MBOAT2: variants seen among roughly 807,000 people sequenced by gnomAD.
MBOAT2 encodes the protein membrane bound glycerophospholipid O-acyltransferase 2, also known as membrane-bound glycerophospholipid O-acyltransferase 2.
Under a neutral mutation model 63.4 loss-of-function variants are expected in MBOAT2, and 28 were observed. The observed-to-expected ratio is 0.44, with a 90% CI of 0.33 to 0.61. The LOEUF (loss-of-function observed/expected upper bound fraction) is 0.61, where lower values mean the gene tolerates loss of function less well. MBOAT2 is among the 20% of genes least tolerant of loss of function. The pLI, the probability that MBOAT2 is intolerant of heterozygous loss-of-function variation, is 0.03. For missense variants in MBOAT2, 470 were observed against 605.8 expected (o/e 0.78, Z 2.35); for synonymous variants, 211 against 215.6 (o/e 0.98, Z 0.19).
chr2:8,858,993 C>T (rs1328830264), intron 12 of MBOAT2, 89 bp from the exon 13 acceptor site: 1 of 927,648 alleles, frequency 1.1e-6, no homozygotes. Context: ...CATGGCCCAC[C>T]TTAGGATGTA....
At chr2:8,896,939 G>C (rs1026810636) in intron 4 of MBOAT2, among the ~76,000 whole-genome samples, 1 of 152,224 alleles carries the variant, frequency 6.6e-6, no homozygotes, top group Non-Finnish European at 1.5e-5. Flanking sequence ...AAGGATTTTT[G>C]ATAGGAAGGC....
intron 9 of MBOAT2, among the ~76,000 whole-genome samples, chr2:8,865,968 C>T (rs148891233): frequency 2.2e-4 from 34 of 152,248 alleles, no homozygotes; most frequent in African/African-American, 7.9e-4. Context: ...ACCCGGGAGG[C>T]AGAGGTTGCA....
chr2:9,001,492 G>A (rs1375089205), intron 1 of MBOAT2, among the ~76,000 whole-genome samples: 2 of 152,054 alleles, frequency 1.3e-5, no homozygotes, highest in Non-Finnish European at 2.9e-5. Flanking sequence ...ATAATCTTAC[G>A]AGACCACCAG....
chr2:8,919,312 T>C (rs1050516574), intron 3 of MBOAT2, among the ~76,000 whole-genome samples: 3 of 152,244 alleles, frequency 2.0e-5, no homozygotes, highest in Non-Finnish European at 4.4e-5. Flanking sequence ...TTTTCCAAAG[T>C]GACTACAATT....
At chr2:8,870,785 T>A (rs1662257511) in intron 8 of MBOAT2, among the ~76,000 whole-genome samples, 1 of 152,210 alleles carries the variant, frequency 6.6e-6, no homozygotes, top group South Asian at 2.1e-4. Context: ...TTAAATATAG[T>A]TCAATTTCAA....
Position 9,003,537 on chromosome 2 carries a change from T to C in MBOAT2, c.75+3A>G. 8.3e-7 allele frequency: 1 copy of C among 1,206,088 alleles called. No homozygotes were observed. The allele number at this position is 1,206,088 out of a possible 1,614,324, so 74.7% of individuals were successfully genotyped here. On this transcript the variant is annotated splice_donor_region_variant and intron_variant, in intron 1 of 12. Coordinates refer to ENST00000305997, the MANE Select transcript of MBOAT2 (RefSeq NM_138799.4). The surrounding 1 kb of genome is among the most constrained non-coding windows in gnomAD (Gnocchi z 5.4). ...CGCCCGGCGCCAGGGCGCCTCGGGG[T>C]ACCTGGTCGATGGGCAGCTGCACGG...
intron 1 of MBOAT2, among the ~76,000 whole-genome samples, chr2:8,970,506 CA>C (rs1357616278): frequency 1.3e-5 from 2 of 151,938 alleles, no homozygotes; most frequent in Non-Finnish European, 2.9e-5. Flanking sequence ...CAGAAGGCAA[CA>C]AATAACTAAG....
intron 3 of MBOAT2, 113 bp downstream of exon 3, chr2:8,943,074 T>C: frequency 1.7e-6 from 1 of 603,738 alleles, no homozygotes; most frequent in East Asian, 3.2e-5. Context: ...AATTCTTCTT[T>C]AAAAAATTAT....
intron 1 of MBOAT2, among the ~76,000 whole-genome samples, chr2:8,979,492 T>C (rs1219826977): frequency 6.6e-6 from 1 of 152,100 alleles, no homozygotes; most frequent in African/African-American, 2.4e-5. Context: ...AGGACCGTGA[T>C]TCTTATCTGT....
At chr2:8,908,840 C>A in intron 3 of MBOAT2, 124 bp from the exon 4 acceptor site, 1 of 575,272 alleles carries the variant, frequency 1.7e-6, no homozygotes, top group African/African-American at 1.9e-5. Context: ...ATCTACTCTA[C>A]AAACACCCTT....
At position 8,858,830 on chromosome 2, in the gene MBOAT2, CTTCT is replaced by C. The variant is rs1185585236; in HGVS notation, c.1408_1411del (p.Arg470GlufsTer41). On this transcript the variant is annotated frameshift_variant, in exon 13 of 13. Coordinates refer to ENST00000305997, the MANE Select transcript of MBOAT2 (RefSeq NM_138799.4). LOFTEE classifies it low-confidence loss of function (END_TRUNC). ...CTGAATGTTTTCATGTGTATTCTTT[CTTCT>C]TTGAGTTTTTTTCACTGGCAACAAC... The C allele has an allele frequency of 1.2e-6, 2 of 1,613,808 alleles. No homozygotes were observed. The highest frequency in any genetic ancestry group is 1.7e-5 in the Admixed American group (1 of 59,990).
intron 1 of MBOAT2, among the ~76,000 whole-genome samples, chr2:9,001,417 G>C (rs1354176821): frequency 6.6e-6 from 1 of 152,164 alleles, no homozygotes; most frequent in Non-Finnish European, 1.5e-5. Flanking sequence ...CATGAGTAAT[G>C]CGTGGTGCTA....
At chr2:9,000,185 T>C (rs1036424875) in intron 1 of MBOAT2, among the ~76,000 whole-genome samples, 3 of 145,952 alleles carry the variant, frequency 2.1e-5, no homozygotes, top group Admixed American at 2.0e-4. Context: ...TTTCAAAACA[T>C]TGTTAATTAG....
chr2:8,942,670 C>T (rs1668138048), intron 3 of MBOAT2, among the ~76,000 whole-genome samples: 2 of 152,226 alleles, frequency 1.3e-5, no homozygotes, highest in African/African-American at 2.4e-5. Context: ...CCTCAGAAGA[C>T]AGTGCTTCCA....
At position 8,855,567 on chromosome 2, in the gene MBOAT2, C is replaced by G. The variant is rs1196723136; in HGVS notation, c.*3112G>C. On this transcript the variant is annotated 3_prime_UTR_variant, in exon 13 of 13. Transcript: ENST00000305997. ...TAGTGGCTAATAAGAGAAGTGGTCA[C>G]CAGACATTTTTGAAGCCAAATAAAT... 6.6e-6 allele frequency: 1 copy of G among 152,142 alleles called. No homozygotes were observed. Among genetic ancestry groups the G allele is most frequent in the Non-Finnish European group, 1.5e-5 (1 of 68,028 alleles). The allele number at this position is 152,142 out of a possible 1,614,324, so 9.4% of individuals were successfully genotyped here.
intron 1 of MBOAT2, among the ~76,000 whole-genome samples, chr2:8,969,641 C>T (rs934645431): frequency 6.6e-6 from 1 of 152,138 alleles, no homozygotes; most frequent in Non-Finnish European, 1.5e-5. Flanking sequence ...TGTGCAGAGA[C>T]ACACGTAGGC....
intron 4 of MBOAT2, among the ~76,000 whole-genome samples, chr2:8,907,157 T>C (rs949948420): frequency 6.6e-6 from 1 of 152,256 alleles, no homozygotes; most frequent in African/African-American, 2.4e-5. Flanking sequence ...TTCTCACTTA[T>C]TATAATTCAA....
intron 1 of MBOAT2, among the ~76,000 whole-genome samples, chr2:9,001,394 A>G (rs1207399229): frequency 6.6e-6 from 1 of 152,226 alleles, no homozygotes; most frequent in East Asian, 1.9e-4. Context: ...TTACACTGGC[A>G]TCACCACAAA....
chr2:8,951,986 C>T (rs1405499824), intron 2 of MBOAT2, among the ~76,000 whole-genome samples: 2 of 152,070 alleles, frequency 1.3e-5, no homozygotes, highest in African/African-American at 2.4e-5. Context: ...AGTTTGTTCT[C>T]GTTTTTCTAG....
Sources: allele counts gnomAD v4.1 joint callset (sites outside exome capture counted in the v4.1 genomes callset), GRCh38; gene constraint gnomAD v4.1.1; non-coding constraint Gnocchi (gnomAD v3.1); transcripts MANE v1.5; gene names NCBI Gene and HGNC (gene_info 2026-07-23, HGNC 2026-07-21).